The following LRRC4C variants were observed in gnomAD, a reference collection of about 807,000 sequenced individuals.
LRRC4C encodes leucine-rich repeat-containing protein 4C.
In LRRC4C, 5 loss-of-function variants were observed where a neutral mutation model predicts 33.6. The observed-to-expected ratio is 0.15, with a 90% confidence interval of 0.08 to 0.31. The LOEUF is 0.31. Ranked by LOEUF, LRRC4C falls within the 10% of genes least tolerant of loss-of-function variation. The probability of loss-of-function intolerance (pLI) is 1.00; values close to 1 mark genes in which losing one functional copy is unlikely to be tolerated. For missense variants in LRRC4C, 560 were observed against 796.7 expected, an observed-to-expected ratio of 0.70 and a Z score of 3.58; for synonymous variants, 329 against 302.0, an observed-to-expected ratio of 1.09 and a Z score of -0.93.
intron 1 of LRRC4C, chr11:41,222,818 A>G (rs1169907752): frequency 4.6e-5 from 5 of 109,688 alleles, no homozygotes; most frequent in South Asian, 6.4e-4. Context: ...CTGTCTCTGT[A>G]GTTTTTCCTC....
chr11:40,422,770 T>C (rs993057618), intron 3 of LRRC4C, among the ~76,000 whole-genome samples: 2 of 152,122 alleles, frequency 1.3e-5, no homozygotes, highest in African/African-American at 4.8e-5. Context: ...TTGTTGGGCA[T>C]TGAGGGACAG....
intron 1 of LRRC4C, among the ~76,000 whole-genome samples, chr11:41,249,415 T>C (rs1301182792): frequency 2.0e-5 from 3 of 152,198 alleles, no homozygotes; most frequent in Non-Finnish European, 2.9e-5. Context: ...TTATTTGGCA[T>C]GTAGATGTCA....
chr11:40,886,630 T>C (rs567052687), intron 2 of LRRC4C, among the ~76,000 whole-genome samples: 1 of 151,922 alleles, frequency 6.6e-6, no homozygotes, highest in South Asian at 2.1e-4. Context: ...CCTGAAGTTA[T>C]GCAACATCTT....
At chr11:40,679,265 C>T (rs1944560240) in intron 2 of LRRC4C, among the ~76,000 whole-genome samples, 2 of 150,874 alleles carry the variant, frequency 1.3e-5, no homozygotes, top group Non-Finnish European at 3.0e-5. Flanking sequence ...TTAAAGGCAC[C>T]TTTTTTTTTA....
intron 1 of LRRC4C, among the ~76,000 whole-genome samples, chr11:40,975,108 C>T (rs1302092988): frequency 6.6e-6 from 1 of 152,204 alleles, no homozygotes; most frequent in African/African-American, 2.4e-5. Context: ...TTTCATATAT[C>T]TATATCTATA....
rs182466995 is a variant in LRRC4C, at chr11:41,257,625, C to A, written c.-496+201806G>T. 2.0e-3 allele frequency among the ~76,000 whole-genome samples: 307 copies of A among 152,164 alleles called. 1 individual carries two copies. The highest frequency in any genetic ancestry group is 7.0e-3 in the African/African-American group (292 of 41,532). On this transcript the variant is annotated intron_variant, in intron 1 of 6. Transcript: ENST00000528697. ...CTTGCTTTCTTCCTACCATTTCCTG[C>A]CAATGGGCATTAAGCTGGGAAAATC...
chr11:40,425,799 A>T (rs897715582), intron 3 of LRRC4C, among the ~76,000 whole-genome samples: 3 of 152,176 alleles, frequency 2.0e-5, no homozygotes, highest in African/African-American at 7.2e-5. Context: ...AATTAAAACA[A>T]ATCTAATTCA....
intron 1 of LRRC4C, among the ~76,000 whole-genome samples, chr11:41,437,980 G>A (rs1955488672): frequency 6.6e-6 from 1 of 151,898 alleles, no homozygotes; most frequent in South Asian, 2.1e-4. Context: ...GGAAGCTGCA[G>A]TGAGCTGAGA....
intron 1 of LRRC4C, among the ~76,000 whole-genome samples, chr11:41,172,014 C>T (rs940749719): frequency 6.6e-6 from 1 of 151,942 alleles, no homozygotes; most frequent in Non-Finnish European, 1.5e-5. Flanking sequence ...TCAGATCTGC[C>T]ACAGAGAAGG....
intron 1 of LRRC4C, among the ~76,000 whole-genome samples, chr11:41,016,966 A>G (rs1590247651): frequency 6.6e-6 from 1 of 152,174 alleles, no homozygotes; most frequent in South Asian, 2.1e-4. Context: ...TACAACTCGG[A>G]TAATTTTTTA....
chr11:40,172,409 T>C (rs1860120305), intron 5 of LRRC4C, among the ~76,000 whole-genome samples: 1 of 152,194 alleles, frequency 6.6e-6, no homozygotes, highest in Non-Finnish European at 1.5e-5. Flanking sequence ...GAATGGTTTT[T>C]GAAAAGTCAA....
At chr11:40,152,250 G>C (rs1185005042) in intron 5 of LRRC4C, among the ~76,000 whole-genome samples, 1 of 152,208 alleles carries the variant, frequency 6.6e-6, no homozygotes, top group Non-Finnish European at 1.5e-5. Context: ...AGTCAAGTTA[G>C]AGAGCCAAGT....
chr11:40,250,613 G>A (rs370419906), intron 4 of LRRC4C, among the ~76,000 whole-genome samples: 16 of 151,888 alleles, frequency 1.1e-4, no homozygotes, highest in East Asian at 1.9e-4. Flanking sequence ...GGTGGCGGGC[G>A]CCTGTAACCC....
At chr11:40,498,278 A>C (rs1354263884) in intron 3 of LRRC4C, among the ~76,000 whole-genome samples, 5 of 152,160 alleles carry the variant, frequency 3.3e-5, no homozygotes. Context: ...TAACGCTACA[A>C]CGGAATTAGA....
chr11:40,659,623 G>A (rs979248697), intron 2 of LRRC4C, among the ~76,000 whole-genome samples: 5 of 152,172 alleles, frequency 3.3e-5, no homozygotes, highest in African/African-American at 1.2e-4. Context: ...TACCAACTTA[G>A]GGTATCTTTG....
chr11:40,835,786 T>C (rs539616830), intron 2 of LRRC4C, among the ~76,000 whole-genome samples: 3 of 152,296 alleles, frequency 2.0e-5, no homozygotes, highest in Non-Finnish European at 4.4e-5. Context: ...AGAGAAATAT[T>C]AATATGTTGA....
intron 2 of LRRC4C, among the ~76,000 whole-genome samples, chr11:40,805,252 T>C (rs1951195206): frequency 1.3e-5 from 2 of 152,178 alleles, no homozygotes; most frequent in African/African-American, 2.4e-5. Flanking sequence ...CTATGGCAGC[T>C]ATCTTGGGCC....
intron 1 of LRRC4C, among the ~76,000 whole-genome samples, chr11:41,174,233 A>G (rs951845899): frequency 6.6e-6 from 1 of 152,148 alleles, no homozygotes; most frequent in African/African-American, 2.4e-5. Context: ...GTTATGCAAT[A>G]TGAATAAGCT....
chr11:41,332,773 G>T (rs756527165), intron 1 of LRRC4C, among the ~76,000 whole-genome samples: 1 of 151,996 alleles, frequency 6.6e-6, no homozygotes, highest in Non-Finnish European at 1.5e-5. Context: ...AGCAACTTGG[G>T]GTTTGCCTCA....
Sources: allele counts gnomAD v4.1 joint callset (sites outside exome capture counted in the v4.1 genomes callset), GRCh38; gene constraint gnomAD v4.1.1; transcripts MANE v1.5; gene names NCBI Gene and HGNC (gene_info 2026-07-23, HGNC 2026-07-21).